Variants in ARHGEF12 observed in about 807,000 individuals in gnomAD.
The protein encoded by ARHGEF12 is Rho guanine nucleotide exchange factor 12, also known as KMT2A/ARHGEF12 fusion protein.
A neutral mutation model predicts 211.2 loss-of-function variants in ARHGEF12; 66 were observed. The ratio of observed to expected loss-of-function variants is 0.31; its 90% CI spans 0.26 to 0.38. ARHGEF12 has a LOEUF of 0.38. ARHGEF12 is among the 10% of genes least tolerant of loss of function. The pLI is 1.00. For missense variants in ARHGEF12, 1,429 were observed against 1,869.5 expected, an observed-to-expected ratio of 0.76 and a Z score of 4.34; for synonymous variants, 592 against 638.4, an observed-to-expected ratio of 0.93 and a Z score of 1.09.
chr11:120,348,807 C>T (rs892210778), intron 1 of ARHGEF12, among the ~76,000 whole-genome samples: 1 of 152,042 alleles, frequency 6.6e-6, no homozygotes, highest in Admixed American at 6.5e-5. Context: ...TGCCACTGCA[C>T]TCCAGCCTGG....
intron 27 of ARHGEF12, 100 bp from the exon 28 acceptor site, chr11:120,465,137 A>G (rs1484427739): frequency 6.8e-7 from 1 of 1,473,770 alleles, no homozygotes; most frequent in Non-Finnish European, 9.3e-7. Context: ...GTATTTTGTC[A>G]CTTGAAATAT....
At chr11:120,392,606 C>T (rs1315881225) in intron 1 of ARHGEF12, among the ~76,000 whole-genome samples, 1 of 152,140 alleles carries the variant, frequency 6.6e-6, no homozygotes, top group Non-Finnish European at 1.5e-5. Context: ...GAAATCTAGA[C>T]GTAGGCTTCA....
chr11:120,487,687 G>A lies in ARHGEF12; in HGVS notation c.*2610G>A, dbSNP rs1406016709. On this transcript the variant is annotated 3_prime_UTR_variant, in exon 41 of 41. Coordinates refer to ENST00000397843, the MANE Select transcript of ARHGEF12 (RefSeq NM_015313.3). ...GTGTACAAAGAAAGCTACCTTCCCA[G>A]AGCAAGCAGGCTGCATTTTAGCTAT... 1 of 218,824 alleles carries A rather than the reference G, an allele frequency of 4.6e-6. No homozygotes were observed. Among genetic ancestry groups the A allele is most frequent in the East Asian group, 6.7e-5 (1 of 14,898 alleles). The allele number at this position is 218,824 out of a possible 1,614,324, so 13.6% of individuals were successfully genotyped here.
At chr11:120,347,137 T>C (rs1200983106) in intron 1 of ARHGEF12, among the ~76,000 whole-genome samples, 2 of 48,870 alleles carry the variant, frequency 4.1e-5, no homozygotes, top group Admixed American at 3.3e-4. Flanking sequence ...CTTTCTTTCC[T>C]TCCTTCCTTC....
At chr11:120,348,359 A>G (rs1942830990) in intron 1 of ARHGEF12, among the ~76,000 whole-genome samples, 1 of 152,226 alleles carries the variant, frequency 6.6e-6, no homozygotes, top group South Asian at 2.1e-4. Context: ...AATTGAGAAC[A>G]TTAGTTTCAG....
chr11:120,453,041 G>C (rs796091310), intron 22 of ARHGEF12, among the ~76,000 whole-genome samples: 24 of 151,852 alleles, frequency 1.6e-4, no homozygotes, highest in African/African-American at 5.5e-4. Context: ...CAAGATAATG[G>C]TCCAAAAATC....
At chr11:120,463,812 A>G (rs1424735938) in intron 27 of ARHGEF12, 1 of 152,224 alleles carries the variant, frequency 6.6e-6, no homozygotes. Context: ...CGGGCTTTTT[A>G]CAAAATGCCT....
intron 27 of ARHGEF12, 63 bp downstream of exon 27, chr11:120,460,820 G>T: frequency 7.3e-7 from 1 of 1,368,662 alleles, no homozygotes; most frequent in South Asian, 1.2e-5. Flanking sequence ...GATTCAAGTT[G>T]AGTAACTAAC....
Position 120,484,418 on chromosome 11 carries a change from C to G in ARHGEF12, c.4555-20C>G, listed in dbSNP as rs188433371. ...GTTTCATTACGTTTGAATAAAAAAC[C>G]TATGGGTTTTATTTCACAGAAGGTG... On this transcript the variant is annotated intron_variant, in intron 39 of 40. Transcript: ENST00000397843. 3,281 of 1,609,130 alleles carry G rather than the reference C, an allele frequency of 2.0e-3. 9 individuals are homozygous for G. The highest frequency in any genetic ancestry group is 2.5e-3 in the Non-Finnish European group (2,966 of 1,177,264).
At position 120,486,550 on chromosome 11, in the gene ARHGEF12, G is replaced by T. The variant is rs555005053; in HGVS notation, c.*1473G>T. 3.2e-4 allele frequency: 72 copies of T among 227,424 alleles called. No homozygotes were observed. The South Asian group carries it at 0.013, about 41-fold the overall frequency. 14.1% of individuals were successfully genotyped at this position (227,424 alleles called of 1,614,324 possible). A position where few individuals can be genotyped will look rare whatever the true frequency, so the allele number is the denominator to read the frequency against. ...ATTGACTTTCTTTGGTTTTCCTTGT[G>T]CATTAGGTATATATTTTTTGAAGTA... On this transcript the variant is annotated 3_prime_UTR_variant, in exon 41 of 41. Transcript: ENST00000397843.
chr11:120,484,987 A>G (rs1256286613), intron 40 of ARHGEF12, 80 bp from the exon 41 acceptor site: 8 of 1,455,528 alleles, frequency 5.5e-6, no homozygotes, highest in Middle Eastern at 1.8e-4. Flanking sequence ...AACCACGCCC[A>G]CAGATGTCAT....
At chr11:120,472,188 A>G (rs1364902267) in intron 30 of ARHGEF12, among the ~76,000 whole-genome samples, 3 of 152,244 alleles carry the variant, frequency 2.0e-5, no homozygotes, top group South Asian at 2.1e-4. Context: ...TGAGGAATAC[A>G]TATAGGAATA....
Position 120,369,421 on chromosome 11 carries a change from A to C in ARHGEF12, c.32+32146A>C, listed in dbSNP as rs756528979. Among the ~76,000 whole-genome samples, 125 of 151,850 alleles carry C rather than the reference A, an allele frequency of 8.2e-4. 1 individual carries two copies. Among genetic ancestry groups the C allele is most frequent in the Non-Finnish European group, 7.1e-4 (48 of 67,934 alleles). On this transcript the variant is annotated intron_variant, in intron 1 of 40. Transcript: ENST00000397843. ...TGGGATTACAGGCATGAGCCATCCCACTCGGCCAGATCTTTTGTTTTTAAT... is the reference window on the plus strand; with the variant it reads ...TGGGATTACAGGCATGAGCCATCCCCCTCGGCCAGATCTTTTGTTTTTAAT...
intron 36 of ARHGEF12, among the ~76,000 whole-genome samples, chr11:120,477,862 C>CAAAAAAAAAAAAAAAAAA (rs528182938): frequency 1.4e-5 from 1 of 69,372 alleles, no homozygotes; most frequent in African/African-American, 6.1e-5. Flanking sequence ...ACCGAAACAC[C>CAAAAAAAAAAAAAAAAAA]AAAAAAAAAA....
intron 1 of ARHGEF12, among the ~76,000 whole-genome samples, chr11:120,373,877 G>C (rs768831316): frequency 6.6e-6 from 1 of 152,122 alleles, no homozygotes; most frequent in Non-Finnish European, 1.5e-5. Context: ...GCGCGATCTC[G>C]GCTCACCACA....
At position 120,393,912 on chromosome 11, in the gene ARHGEF12, C is replaced by G. The variant is rs145887489; in HGVS notation, c.33-12206C>G. On this transcript the variant is annotated intron_variant, in intron 1 of 40. Transcript: ENST00000397843. ...CATGGGACATTTACCATGACAGACA[C>G]AATTCTGGGCTGTGAAGTAAATTTC... 2.1e-3 allele frequency among the ~76,000 whole-genome samples: 311 copies of G among 151,288 alleles called. 3 individuals are homozygous for G. The highest frequency in any genetic ancestry group is 7.3e-3 in the African/African-American group (299 of 41,210).
chr11:120,406,022 A>T, intron 1 of ARHGEF12, 96 bp from the exon 2 acceptor site: 1 of 929,910 alleles, frequency 1.1e-6, no homozygotes. Context: ...CATAAGATTT[A>T]AATCTCTTAT....
chr11:120,344,294 A>AAG (rs1942634977), intron 1 of ARHGEF12, among the ~76,000 whole-genome samples: 2 of 136,564 alleles, frequency 1.5e-5, no homozygotes, highest in African/African-American at 5.5e-5. Context: ...AAAAAAAAAA[A>AAG]CTGGAGACTT....
At chr11:120,383,407 A>G (rs1420732648) in intron 1 of ARHGEF12, among the ~76,000 whole-genome samples, 1 of 151,990 alleles carries the variant, frequency 6.6e-6, no homozygotes, top group Admixed American at 6.6e-5. Context: ...TGTCTACCTT[A>G]TTTTCATTAT....
Sources: gnomAD v4.1 joint callset for allele counts (sites outside exome capture counted in the v4.1 genomes callset) on GRCh38, gnomAD v4.1.1 for gene constraint, MANE v1.5 for transcripts, NCBI Gene and HGNC (gene_info 2026-07-23, HGNC 2026-07-21) for gene names.